Variants in CRACD observed in about 807,000 individuals in gnomAD.
CRACD encodes capping protein-inhibiting regulator of actin dynamics.
Under a neutral mutation model 106.8 loss-of-function variants are expected in CRACD, and 56 were observed. That is an observed-to-expected ratio of 0.52 (90% confidence interval 0.42 to 0.66). CRACD has a LOEUF of 0.66. Ranked by LOEUF, CRACD falls within the 30% of genes least tolerant of loss-of-function variation. The pLI, the probability that CRACD is intolerant of heterozygous loss-of-function variation, is 0.00. For synonymous variants in CRACD, 754 were observed against 670.8 expected, an observed-to-expected ratio of 1.12 and a Z score of -1.92; for missense variants, 1,730 against 1,623.2, an observed-to-expected ratio of 1.07 and a Z score of -1.13.
intron 1 of CRACD, among the ~76,000 whole-genome samples, chr4:56,119,389 G>A (rs538467704): frequency 1.3e-5 from 2 of 151,478 alleles, no homozygotes; most frequent in East Asian, 3.9e-4. Flanking sequence ...GGAGTGCAGT[G>A]GCGCCATCAT....
intron 1 of CRACD, among the ~76,000 whole-genome samples, chr4:56,123,071 C>CT (rs1734542537): frequency 6.6e-6 from 1 of 152,138 alleles, no homozygotes; most frequent in African/African-American, 2.4e-5. Flanking sequence ...GTAAGATAGT[C>CT]TTTTTAATGA....
chr4:56,075,337 G>A (rs916253158), intron 1 of CRACD, among the ~76,000 whole-genome samples: 1 of 152,076 alleles, frequency 6.6e-6, no homozygotes, highest in Admixed American at 6.6e-5. Flanking sequence ...TTGGTTGGTA[G>A]GCTATTAATT....
intron 1 of CRACD, among the ~76,000 whole-genome samples, chr4:56,062,569 A>G (rs1732315222): frequency 1.3e-5 from 2 of 152,242 alleles, no homozygotes; most frequent in South Asian, 2.1e-4. Context: ...GATTATTCAC[A>G]TGGAATTTTA....
At chr4:56,168,634 G>GAT (rs1736242402) in intron 1 of CRACD, among the ~76,000 whole-genome samples, 1 of 149,354 alleles carries the variant, frequency 6.7e-6, no homozygotes, top group African/African-American at 2.4e-5. Flanking sequence ...TCCACTGATG[G>GAT]ATATATATAA....
chr4:56,214,086 G>A lies in CRACD; in HGVS notation c.-189+34656G>A, dbSNP rs1738537940. 2.0e-5 allele frequency among the ~76,000 whole-genome samples: 3 copies of A among 152,022 alleles called. No homozygotes were observed. In the South Asian group the frequency reaches 6.2e-4, roughly 32 times the overall value. ...GTTTTAACAAAATACCATCCTGGGT[G>A]GCTTATAAACAACAGAAATTGATTT... On this transcript the variant is annotated intron_variant, in intron 2 of 10. Transcript: ENST00000682029.
At chr4:56,306,589 A>G (rs1435932858) in intron 4 of CRACD, among the ~76,000 whole-genome samples, 2 of 152,240 alleles carry the variant, frequency 1.3e-5, no homozygotes, top group South Asian at 2.1e-4. Flanking sequence ...GAATATAATG[A>G]CTATGTAACC....
chr4:56,322,794 C>T (rs1420969941), intron 8 of CRACD, among the ~76,000 whole-genome samples: 1 of 152,152 alleles, frequency 6.6e-6, no homozygotes, highest in Non-Finnish European at 1.5e-5. Context: ...CTTGGGAGGC[C>T]AAGGCAGGTG....
chr4:56,186,152 A>G (rs1737086787), intron 2 of CRACD, among the ~76,000 whole-genome samples: 1 of 152,212 alleles, frequency 6.6e-6, no homozygotes, highest in South Asian at 2.1e-4. Context: ...GGGAAACTGG[A>G]TGGCAAATGA....
At chr4:56,227,809 G>C (rs6829440) in intron 2 of CRACD, among the ~76,000 whole-genome samples, 53,564 of 152,036 alleles carry the variant, frequency 0.35, 9,512 homozygotes, top group South Asian at 0.43. Flanking sequence ...TGTTATATCT[G>C]GCAATACACA....
At position 56,314,854 on chromosome 4, in the gene CRACD, G is replaced by C; in HGVS notation, c.1352G>C (p.Cys451Ser). ...QREHSEEPGI[C>S]EEQNPEAERR... ...GAACACTCCGAGGAGCCAGGTATTT[G>C]CGAGGAGCAGAACCCAGAGGCCGAG... The change falls in exon 8 of 11, where the codon TGC becomes TCC. Residue 451 changes from cysteine (C) to serine (S), a missense_variant. Coordinates refer to ENST00000682029, the MANE Select transcript of CRACD (RefSeq NM_001393381.1). The surrounding 1 kb of genome is among the most constrained non-coding windows in gnomAD (Gnocchi z 4.4). 1 of 1,612,128 alleles carries C rather than the reference G, an allele frequency of 6.2e-7. No homozygotes were observed. The highest frequency in any genetic ancestry group is 1.1e-5 in the South Asian group (1 of 90,282).
chr4:56,266,447 C>T (rs1038207359), intron 2 of CRACD, among the ~76,000 whole-genome samples: 1 of 152,126 alleles, frequency 6.6e-6, no homozygotes, highest in Non-Finnish European at 1.5e-5. Context: ...CCCTCCTGTC[C>T]CCTTCTTCCC....
At chr4:56,224,313 A>G (rs1435479147) in intron 2 of CRACD, among the ~76,000 whole-genome samples, 1 of 152,112 alleles carries the variant, frequency 6.6e-6, no homozygotes, top group Non-Finnish European at 1.5e-5. Context: ...TCACATTTCT[A>G]TTAAGTTTAC....
In CRACD at chr4:56,181,390, T is replaced by C. The variant is rs60756077; in HGVS notation, c.-189+1960T>C. Among the ~76,000 whole-genome samples, 132 of 152,164 alleles carry C rather than the reference T, an allele frequency of 8.7e-4. 1 individual carries two copies. The East Asian group carries it at 0.018, about 21-fold the overall frequency. ...GGAGCAGAGTGAGTGGGAGGGTTGA[T>C]CCACAGGAAATGATGACACTTCTTG... On this transcript the variant is annotated intron_variant, in intron 2 of 10. Transcript: ENST00000682029.
intron 2 of CRACD, among the ~76,000 whole-genome samples, chr4:56,200,321 A>G (rs1429266771): frequency 6.6e-6 from 1 of 152,174 alleles, no homozygotes; most frequent in Admixed American, 6.5e-5. Context: ...TTCACTAATC[A>G]TCAGTTGGGA....
At chr4:56,135,897 G>A (rs1372999367) in intron 1 of CRACD, among the ~76,000 whole-genome samples, 1 of 152,186 alleles carries the variant, frequency 6.6e-6, no homozygotes, top group African/African-American at 2.4e-5. Context: ...TCCAAAGTGT[G>A]TGCATGCTCA....
At chr4:56,090,112 A>C (rs1274947758) in intron 1 of CRACD, among the ~76,000 whole-genome samples, 2 of 151,764 alleles carry the variant, frequency 1.3e-5, no homozygotes, top group Admixed American at 1.3e-4. Context: ...CCTTAATCAG[A>C]TGCCTTAATA....
intron 1 of CRACD, among the ~76,000 whole-genome samples, chr4:56,160,850 C>G (rs1735926960): frequency 6.6e-6 from 1 of 152,244 alleles, no homozygotes; most frequent in Non-Finnish European, 1.5e-5. Context: ...GTCCCCTGGA[C>G]TCCTGCCATT....
At chr4:56,292,211 C>A (rs907320104) in intron 3 of CRACD, among the ~76,000 whole-genome samples, 2 of 152,238 alleles carry the variant, frequency 1.3e-5, no homozygotes, top group African/African-American at 4.8e-5. Context: ...AGAGTGGTGA[C>A]TTAGGGTATC....
chr4:56,133,091 T>C (rs1734882066), intron 1 of CRACD, among the ~76,000 whole-genome samples: 2 of 152,212 alleles, frequency 1.3e-5, no homozygotes, highest in African/African-American at 2.4e-5. Flanking sequence ...AGTCACTATT[T>C]CAGAACTCTT....
Sources: gnomAD v4.1 joint callset for allele counts (sites outside exome capture counted in the v4.1 genomes callset) on GRCh38, gnomAD v4.1.1 for gene constraint, Gnocchi (gnomAD v3.1) non-coding constraint, MANE v1.5 for transcripts, NCBI Gene and HGNC (gene_info 2026-07-23, HGNC 2026-07-21) for gene names.